Variants in SLC4A10 observed in about 807,000 individuals in gnomAD.
The protein encoded by SLC4A10 is sodium-driven chloride bicarbonate exchanger.
SLC4A10 carries 42 observed loss-of-function variants against 137.7 expected under a neutral mutation model. That is an observed-to-expected ratio of 0.30 (90% CI 0.24 to 0.39). SLC4A10 has a LOEUF of 0.39. Among genes scored for constraint, SLC4A10 ranks in the 10% least tolerant of loss-of-function variants. SLC4A10 has a pLI of 1.00. For missense variants in SLC4A10, 925 were observed against 1,355.0 expected, an observed-to-expected ratio of 0.68 and a Z score of 4.98; for synonymous variants, 474 against 464.1, an observed-to-expected ratio of 1.02 and a Z score of -0.27.
intron 1 of SLC4A10, among the ~76,000 whole-genome samples, chr2:161,725,615 A>C (rs1441332153): frequency 6.6e-6 from 1 of 152,240 alleles, no homozygotes; most frequent in Non-Finnish European, 1.5e-5. Flanking sequence ...CCTACAAAAA[A>C]ATTACAGTAA....
At chr2:161,976,320 T>G (rs929083860) in intron 24 of SLC4A10, among the ~76,000 whole-genome samples, 9 of 152,148 alleles carry the variant, frequency 5.9e-5, no homozygotes, top group African/African-American at 2.2e-4. Flanking sequence ...GGATGCACCT[T>G]GAGGATGTTG....
intron 1 of SLC4A10, among the ~76,000 whole-genome samples, chr2:161,754,045 A>G (rs961889739): frequency 6.6e-6 from 1 of 151,850 alleles, no homozygotes; most frequent in Non-Finnish European, 1.5e-5. Context: ...ATGTGCCACC[A>G]CACTCAGCTA....
At chr2:161,850,380 ACT>A (rs899878232) in intron 4 of SLC4A10, among the ~76,000 whole-genome samples, 2 of 151,918 alleles carry the variant, frequency 1.3e-5, no homozygotes, top group East Asian at 1.9e-4. Flanking sequence ...ACAGAGCAAG[ACT>A]CTGTCTCAAA....
chr2:161,757,462 CTA>C (rs2049780047), intron 1 of SLC4A10, among the ~76,000 whole-genome samples: 1 of 152,108 alleles, frequency 6.6e-6, no homozygotes, highest in South Asian at 2.1e-4. Context: ...TTCACTAACA[CTA>C]ATATAGAACT....
intron 16 of SLC4A10, 110 bp from the exon 17 acceptor site, chr2:161,947,456 A>G: frequency 9.0e-7 from 1 of 1,110,158 alleles, no homozygotes; most frequent in Non-Finnish European, 1.2e-6. Flanking sequence ...AGAGCCATAA[A>G]GGAAAAGCCT....
At chr2:161,916,809 A>G (rs888994813) in intron 15 of SLC4A10, among the ~76,000 whole-genome samples, 9 of 152,112 alleles carry the variant, frequency 5.9e-5, no homozygotes, top group African/African-American at 2.2e-4. Flanking sequence ...TTCCTTCAAA[A>G]TCACCTACTC....
At chr2:161,703,216 G>T (rs1398727919) in intron 1 of SLC4A10, among the ~76,000 whole-genome samples, 1 of 151,604 alleles carries the variant, frequency 6.6e-6, no homozygotes, top group Admixed American at 6.6e-5. Context: ...AAGGCTGTGT[G>T]CACAAAGATG....
intron 5 of SLC4A10, among the ~76,000 whole-genome samples, 176 bp downstream of exon 5, chr2:161,855,306 T>G (rs1375008953): frequency 2.0e-5 from 3 of 152,140 alleles, no homozygotes; most frequent in African/African-American, 7.2e-5. Flanking sequence ...AAGTTGAATC[T>G]CAGAGAAATA....
At chr2:161,958,446 T>G in intron 20 of SLC4A10, 41 bp from the exon 21 acceptor site, 1 of 1,543,740 alleles carries the variant, frequency 6.5e-7, no homozygotes. Context: ...ACAATCTATT[T>G]GAAAATGATT....
intron 10 of SLC4A10, among the ~76,000 whole-genome samples, chr2:161,889,321 C>T (rs1042289823): frequency 6.6e-6 from 1 of 152,138 alleles, no homozygotes; most frequent in African/African-American, 2.4e-5. Flanking sequence ...AGGAGTCCCT[C>T]TTTTTCTGTT....
At chr2:161,792,326 A>G (rs2054290768) in intron 2 of SLC4A10, among the ~76,000 whole-genome samples, 1 of 152,202 alleles carries the variant, frequency 6.6e-6, no homozygotes, top group Non-Finnish European at 1.5e-5. Flanking sequence ...TCCTTTAATC[A>G]TTATTTTTCT....
intron 1 of SLC4A10, among the ~76,000 whole-genome samples, chr2:161,668,475 G>C (rs1467832714): frequency 6.6e-6 from 1 of 151,794 alleles, no homozygotes; most frequent in Non-Finnish European, 1.5e-5. Context: ...GGCAGCCTCA[G>C]AAGTAGTGAG....
chr2:161,634,044 G>A (rs1314788335), intron 1 of SLC4A10, among the ~76,000 whole-genome samples: 2 of 151,554 alleles, frequency 1.3e-5, no homozygotes, highest in African/African-American at 2.4e-5. Flanking sequence ...TACCATATTC[G>A]AATATCACCA....
intron 1 of SLC4A10, among the ~76,000 whole-genome samples, chr2:161,769,442 T>C (rs957114822): frequency 5.3e-5 from 8 of 152,034 alleles, no homozygotes; most frequent in Non-Finnish European, 1.2e-4. Context: ...AGCAAAGATA[T>C]GCAGTGGGGG....
chr2:161,893,893 T>C (rs1223062125), intron 10 of SLC4A10, among the ~76,000 whole-genome samples: 1 of 151,984 alleles, frequency 6.6e-6, no homozygotes, highest in Non-Finnish European at 1.5e-5. Flanking sequence ...GTCCCCCCAT[T>C]GAAAATATCA....
chr2:161,921,198 T>C (rs996444778), intron 15 of SLC4A10, among the ~76,000 whole-genome samples: 1 of 152,226 alleles, frequency 6.6e-6, no homozygotes. Context: ...ATGAGTTTAT[T>C]GTATGTGGCA....
intron 3 of SLC4A10, among the ~76,000 whole-genome samples, chr2:161,829,039 C>A (rs925745693): frequency 6.6e-6 from 1 of 151,376 alleles, no homozygotes; most frequent in Non-Finnish European, 1.5e-5. Context: ...GGATCTTTTT[C>A]TTTTACCATA....
chr2:161,787,863 T>C (rs1317353086), intron 2 of SLC4A10, among the ~76,000 whole-genome samples: 1 of 152,164 alleles, frequency 6.6e-6, no homozygotes, highest in East Asian at 1.9e-4. Context: ...TTGGATATCA[T>C]TGCACTTCTT....
chr2:161,890,462 T>A (rs1313209343), intron 10 of SLC4A10, among the ~76,000 whole-genome samples: 1 of 152,204 alleles, frequency 6.6e-6, no homozygotes, highest in Non-Finnish European at 1.5e-5. Context: ...GCTTTATGAA[T>A]CTGGGTGCTC....
Sources: allele counts gnomAD v4.1 joint callset (sites outside exome capture counted in the v4.1 genomes callset), GRCh38; gene constraint gnomAD v4.1.1; transcripts MANE v1.5; gene names NCBI Gene and HGNC (gene_info 2026-07-23, HGNC 2026-07-21).